The following ATG14 variants were observed in gnomAD, a reference collection of about 807,000 sequenced individuals.
ATG14 encodes the protein beclin 1-associated autophagy-related key regulator.
ATG14 carries 35 observed loss-of-function variants against 60.4 expected under a neutral mutation model. The observed-to-expected ratio is 0.58, with a 90% CI of 0.44 to 0.77. ATG14 has a LOEUF of 0.77. Ranked by LOEUF, ATG14 falls within the 30% of genes least tolerant of loss-of-function variation. ATG14 has a pLI of 0.00. For missense variants in ATG14, 647 were observed against 626.3 expected (o/e 1.03, Z -0.35); for synonymous variants, 234 against 228.8 (o/e 1.02, Z -0.21).
In ATG14 at chr14:55,373,496, G is replaced by A. The variant is rs542710397; in HGVS notation, c.1173-3571C>T. On this transcript the variant is annotated intron_variant, in intron 9 of 9. Transcript: ENST00000247178. ...TTATTTTGAGATGCAGTCTCACTCC[G>A]TTTCCCAGGCCAGAGTGTAGCAGCA... Among the ~76,000 whole-genome samples, 3 of 152,202 alleles carry A rather than the reference G, an allele frequency of 2.0e-5. No homozygotes were observed. In the South Asian group the frequency reaches 6.2e-4, roughly 32 times the overall value.
intron 9 of ATG14, among the ~76,000 whole-genome samples, chr14:55,370,961 C>T (rs1884803533): frequency 6.6e-6 from 1 of 152,068 alleles, no homozygotes; most frequent in South Asian, 2.1e-4. Context: ...TTCTTTTTCC[C>T]CTCCCTTTCA....
intron 3 of ATG14, among the ~76,000 whole-genome samples, chr14:55,393,225 C>T (rs532194107): frequency 0.057 from 8,532 of 150,676 alleles, 385 homozygotes; most frequent in Non-Finnish European, 0.074. Flanking sequence ...ACTAAAAAAA[C>T]ACAAAAAAAC....
intron 6 of ATG14, 22 bp from the exon 7 acceptor site, chr14:55,380,712 C>T (rs1003886077): frequency 2.0e-6 from 3 of 1,513,820 alleles, no homozygotes; most frequent in East Asian, 4.6e-5. Flanking sequence ...AAACAACCAC[C>T]ATGTACAAAA....
intron 1 of ATG14, among the ~76,000 whole-genome samples, chr14:55,411,384 G>T (rs1172607139): frequency 1.3e-5 from 2 of 152,172 alleles, no homozygotes; most frequent in Non-Finnish European, 2.9e-5. Flanking sequence ...AACTCCTCTT[G>T]GGTGGGTGAT....
intron 9 of ATG14, among the ~76,000 whole-genome samples, chr14:55,370,866 C>G (rs1009578267): frequency 6.6e-6 from 1 of 152,122 alleles, no homozygotes; most frequent in Non-Finnish European, 1.5e-5. Context: ...GTCTTGAACT[C>G]CTGACCTCAA....
Position 55,398,226 on chromosome 14 carries a change from C to A in ATG14, c.222-792G>T, listed in dbSNP as rs374949262. 3.3e-4 allele frequency among the ~76,000 whole-genome samples: 50 copies of A among 152,262 alleles called. 1 individual carries two copies. Among genetic ancestry groups the A allele is most frequent in the African/African-American group, 1.2e-3 (50 of 41,560 alleles). On this transcript the variant is annotated intron_variant, in intron 1 of 9. Coordinates refer to ENST00000247178, the MANE Select transcript of ATG14 (RefSeq NM_014924.5). Reference sequence around the variant, plus strand: ...TCTGCCTCCCAAAGTGCTGGGCTTACAGGTGTGAGCCACCGCGCCCAGCAT... The same window carrying A: ...TCTGCCTCCCAAAGTGCTGGGCTTAAAGGTGTGAGCCACCGCGCCCAGCAT...
intron 1 of ATG14, among the ~76,000 whole-genome samples, chr14:55,405,913 C>CAGATGTGAA (rs1185831119): frequency 6.7e-6 from 1 of 150,312 alleles, no homozygotes; most frequent in Non-Finnish European, 1.5e-5. Context: ...GAAGAAAAGG[C>CAGATGTGAA]AGATGTGAAA....
intron 5 of ATG14, among the ~76,000 whole-genome samples, chr14:55,383,379 C>T (rs1483537112): frequency 6.6e-6 from 1 of 151,742 alleles, no homozygotes; most frequent in African/African-American, 2.4e-5. Context: ...GGTGAAATGC[C>T]ATCGCTACTA....
chr14:55,411,694 G>A lies in ATG14; in HGVS notation c.129C>T (p.Cys43=), dbSNP rs758258193. 7 of 1,613,030 alleles carry A rather than the reference G, an allele frequency of 4.3e-6. No homozygotes were observed. The East Asian group carries it at 6.7e-5, about 15-fold the overall frequency. The change falls in exon 1 of 10, where the codon TGC becomes TGT. Residue 43 remains cysteine (C), a synonymous_variant. Transcript: ENST00000247178. ...AEGLYVAVER[C]PLCNTTRRRL... is the part of the protein sequence containing the mutation. ...GCCGGCGGGTAGTGTTGCACAGCGG[G>A]CAGCGCTCCACAGCCACGTACAGCC...
rs139442152 is a variant in ATG14 at position 55,371,316 on chromosome 14, C to T, written c.1173-1391G>A. ...AGCACTGGCTTCCAACGCACCTCAC[C>T]AGGTCTGCACCGTTGACTCACTTTT... On this transcript the variant is annotated intron_variant, in intron 9 of 9. Coordinates refer to ENST00000247178, the MANE Select transcript of ATG14 (RefSeq NM_014924.5). 1.6e-3 allele frequency among the ~76,000 whole-genome samples: 250 copies of T among 152,310 alleles called. 1 individual carries two copies. In the South Asian group the frequency reaches 0.023, roughly 14 times the overall value.
At chr14:55,373,074 C>T (rs550476477) in intron 9 of ATG14, among the ~76,000 whole-genome samples, 1 of 152,280 alleles carries the variant, frequency 6.6e-6, no homozygotes, top group South Asian at 2.1e-4. Context: ...GATACATCAC[C>T]TGCCTGCCAG....
chr14:55,408,585 A>AGATAG (rs1362322778), intron 1 of ATG14, among the ~76,000 whole-genome samples: 3 of 152,152 alleles, frequency 2.0e-5, no homozygotes, highest in African/African-American at 4.8e-5. Context: ...AGCCTGGACA[A>AGATAG]GATAGGGAGA....
chr14:55,392,746 A>G (rs1885240723), intron 3 of ATG14, among the ~76,000 whole-genome samples: 1 of 152,172 alleles, frequency 6.6e-6, no homozygotes, highest in Non-Finnish European at 1.5e-5. Flanking sequence ...GCTTAAAACA[A>G]TGCTCAAATG....
At chr14:55,409,105 T>C (rs1350999345) in intron 1 of ATG14, among the ~76,000 whole-genome samples, 6 of 152,202 alleles carry the variant, frequency 3.9e-5, no homozygotes, top group African/African-American at 1.4e-4. Context: ...AGAGAAATGA[T>C]GGTGGTCTGA....
At chr14:55,389,833 TG>T (rs1885183812) in intron 4 of ATG14, among the ~76,000 whole-genome samples, 1 of 152,158 alleles carries the variant, frequency 6.6e-6, no homozygotes, top group African/African-American at 2.4e-5. Context: ...TTGGGGCAAA[TG>T]GGAAGTGGCT....
chr14:55,402,896 A>G (rs1184166804), intron 1 of ATG14, among the ~76,000 whole-genome samples: 1 of 21,444 alleles, frequency 4.7e-5, no homozygotes, highest in Non-Finnish European at 8.5e-5. Flanking sequence ...ATCTCTACAA[A>G]AAAAAAAAAA....
chr14:55,369,676 G>C lies in ATG14; in HGVS notation c.1422C>G (p.Ile474Met). The stretch of plus-strand genomic sequence containing the variant: ...AGGTCACCGAGGCTGCTGCAGAGGA[G>C]ATCATCCCACCTGCACTGCTGCTCG... ...PIASSSAGGM[I>M]SSAAASVTSW... Residue 474 changes from isoleucine to methionine, a missense_variant, in exon 10 of 10, where the codon ATC (isoleucine) becomes ATG (methionine). Ile to Met is a conservative substitution (Grantham distance 10). Transcript: ENST00000247178. 6.3e-7 allele frequency: 1 copy of C among 1,581,940 alleles called. No homozygotes were observed.
intron 3 of ATG14, chr14:55,395,080 T>C (rs1885289390): frequency 4.0e-6 from 2 of 503,750 alleles, no homozygotes; most frequent in Non-Finnish European, 8.0e-6. Flanking sequence ...CCCTTTTGTT[T>C]GCACTTTTTT....
intron 1 of ATG14, among the ~76,000 whole-genome samples, chr14:55,404,966 A>G (rs748634928): frequency 6.6e-6 from 1 of 152,192 alleles, no homozygotes; most frequent in Non-Finnish European, 1.5e-5. Flanking sequence ...AAAACCTTTT[A>G]TAAGTTCTAA....
Sources: gnomAD v4.1 joint callset for allele counts (sites outside exome capture counted in the v4.1 genomes callset) on GRCh38, gnomAD v4.1.1 for gene constraint, MANE v1.5 for transcripts, NCBI Gene and HGNC (gene_info 2026-07-23, HGNC 2026-07-21) for gene names.